The following RYR2 variants were observed in gnomAD, a reference collection of about 807,000 sequenced individuals.
The protein encoded by RYR2 is cardiac muscle ryanodine receptor-calcium release channel.
In RYR2, 227 loss-of-function variants were observed where a neutral mutation model predicts 601.1. The ratio of observed to expected loss-of-function variants is 0.38; its 90% confidence interval spans 0.34 to 0.42. The LOEUF (loss-of-function observed/expected upper bound fraction) is 0.42. Ranked by LOEUF, RYR2 falls within the 10% of genes least tolerant of loss-of-function variation. The pLI is 1.00. For missense variants in RYR2, 4,646 were observed against 6,156.5 expected, an observed-to-expected ratio of 0.75 and a Z score of 8.21; for synonymous variants, 2,223 against 2,175.1, an observed-to-expected ratio of 1.02 and a Z score of -0.61.
At chr1:237,749,938 G>A (rs1359221274) in intron 80 of RYR2, among the ~76,000 whole-genome samples, 1 of 152,140 alleles carries the variant, frequency 6.6e-6, no homozygotes, top group Non-Finnish European at 1.5e-5. Context: ...CTGAGGTCAG[G>A]AGTTCAAGAC....
chr1:237,647,655 T>G (rs1242747887), intron 48 of RYR2, among the ~76,000 whole-genome samples: 2 of 152,244 alleles, frequency 1.3e-5, no homozygotes, highest in African/African-American at 4.8e-5. Context: ...ATTTCTTTGA[T>G]GTTGTATCCA....
intron 17 of RYR2, among the ~76,000 whole-genome samples, chr1:237,491,343 C>T (rs1269663668): frequency 1.3e-5 from 2 of 152,122 alleles, no homozygotes; most frequent in Non-Finnish European, 2.9e-5. Flanking sequence ...CTTTCAGTGC[C>T]AAGAAGCTTC....
chr1:237,226,988 CA>C (rs1347533597), intron 1 of RYR2, among the ~76,000 whole-genome samples: 1 of 152,118 alleles, frequency 6.6e-6, no homozygotes, highest in Non-Finnish European at 1.5e-5. Context: ...AGGCTGGTCT[CA>C]AACTCTTGGG....
At chr1:237,074,999 T>A (rs1188009516) in intron 1 of RYR2, among the ~76,000 whole-genome samples, 2 of 152,064 alleles carry the variant, frequency 1.3e-5, no homozygotes, top group Admixed American at 1.3e-4. Context: ...GGGAGCTATA[T>A]TGATAGAGAA....
At chr1:237,713,666 GGATTGCACTCCAGCCTA>G (rs1342549775) in intron 71 of RYR2, among the ~76,000 whole-genome samples, 1 of 151,952 alleles carries the variant, frequency 6.6e-6, no homozygotes, top group African/African-American at 2.4e-5. Context: ...CAAAGTACCT[GGATTGCACTCCAGCCTA>G]GGCAACAAGA....
intron 1 of RYR2, among the ~76,000 whole-genome samples, chr1:237,247,995 C>T (rs998192750): frequency 5.3e-5 from 8 of 152,166 alleles, no homozygotes; most frequent in Admixed American, 2.0e-4. Context: ...ATACATTGGC[C>T]GGGCACGGTG....
At chr1:237,436,453 C>CATTTTTTTTTTTTTTTTT (rs1491092540) in intron 12 of RYR2, among the ~76,000 whole-genome samples, 7 of 55,828 alleles carry the variant, frequency 1.3e-4, no homozygotes, top group Admixed American at 1.8e-4. Context: ...GTGTGATTTT[C>CATTTTTTTTTTTTTTTTT]CTTTTTTTTT....
At chr1:237,747,279 G>A (rs1248434417) in intron 80 of RYR2, among the ~76,000 whole-genome samples, 2 of 152,170 alleles carry the variant, frequency 1.3e-5, no homozygotes, top group Admixed American at 1.3e-4. Flanking sequence ...TATCTGATGA[G>A]TCTGAGGTCC....
intron 13 of RYR2, among the ~76,000 whole-genome samples, chr1:237,444,541 CAG>C (rs1383966573): frequency 1.3e-5 from 2 of 152,130 alleles, no homozygotes; most frequent in African/African-American, 4.8e-5. Context: ...AAGATAAGCA[CAG>C]ATGGGAACAA....
At chr1:237,627,748 T>C (rs1239795423) in intron 40 of RYR2, 59 bp from the exon 41 acceptor site, 2 of 1,484,220 alleles carry the variant, frequency 1.3e-6, no homozygotes, top group South Asian at 1.4e-5. Flanking sequence ...ACTTGAAATG[T>C]CCAACTGATT....
chr1:237,577,616 A>G (rs1214163186), intron 29 of RYR2, among the ~76,000 whole-genome samples: 1 of 151,778 alleles, frequency 6.6e-6, no homozygotes, highest in Admixed American at 6.6e-5. Flanking sequence ...ACCTCTAGAA[A>G]TGACAGGAAA....
chr1:237,320,226 T>TG (rs1302635444), intron 2 of RYR2, among the ~76,000 whole-genome samples: 8 of 152,108 alleles, frequency 5.3e-5, no homozygotes, highest in Admixed American at 2.0e-4. Context: ...CACTTGGTCA[T>TG]GGGGGGAGGT....
At chr1:237,550,148 C>A (rs1302899151) in intron 26 of RYR2, among the ~76,000 whole-genome samples, 1 of 152,094 alleles carries the variant, frequency 6.6e-6, no homozygotes, top group Non-Finnish European at 1.5e-5. Context: ...TTCTTCATTG[C>A]CTGAAAACCA....
intron 1 of RYR2, among the ~76,000 whole-genome samples, chr1:237,163,620 T>C (rs989272357): frequency 9.1e-4 from 139 of 152,280 alleles, no homozygotes; most frequent in African/African-American, 3.2e-3. Flanking sequence ...GCATACCCAG[T>C]TCTCTTAAGT....
At chr1:237,177,777 A>G (rs1678220806) in intron 1 of RYR2, among the ~76,000 whole-genome samples, 1 of 152,210 alleles carries the variant, frequency 6.6e-6, no homozygotes, top group South Asian at 2.1e-4. Flanking sequence ...GTACATGTAC[A>G]AGAATTTCTT....
chr1:237,789,251 A>G (rs1658048507), intron 92 of RYR2, among the ~76,000 whole-genome samples: 1 of 152,060 alleles, frequency 6.6e-6, no homozygotes, highest in Non-Finnish European at 1.5e-5. Flanking sequence ...ACAACTCAGA[A>G]CCTCAATGAA....
chr1:237,122,969 A>G (rs1456960271), intron 1 of RYR2, among the ~76,000 whole-genome samples: 1 of 152,238 alleles, frequency 6.6e-6, no homozygotes. Context: ...AAAGACATGT[A>G]TATCTTCTTG....
intron 1 of RYR2, among the ~76,000 whole-genome samples, chr1:237,042,815 C>T (rs1010080006): frequency 3.2e-4 from 49 of 152,190 alleles, no homozygotes; most frequent in East Asian, 3.9e-4. Flanking sequence ...GGCTAGCCGG[C>T]GGCAGGCGCC....
In RYR2 at chr1:237,166,057, G is replaced by GT. The variant is rs553015052; in HGVS notation, c.49-104437dup. On this transcript the variant is annotated intron_variant, in intron 1 of 104. Transcript: ENST00000366574. ...CACAAAAACTTTAAAGTGAAAAACTGTTTGAAGATGATCTTAATGACCCAC... is the reference window on the plus strand; with the variant it reads ...CACAAAAACTTTAAAGTGAAAAACTGTTTTGAAGATGATCTTAATGACCCAC... Among the ~76,000 whole-genome samples the GT allele has an allele frequency of 4.2e-3, 642 of 152,236 alleles. 6 individuals carry two copies. The highest frequency in any genetic ancestry group is 0.015 in the African/African-American group (616 of 41,534).
Sources: gnomAD v4.1 joint callset for allele counts (sites outside exome capture counted in the v4.1 genomes callset) on GRCh38, gnomAD v4.1.1 for gene constraint, MANE v1.5 for transcripts, NCBI Gene and HGNC (gene_info 2026-07-23, HGNC 2026-07-21) for gene names.